HEMK2: variants seen among roughly 807,000 people sequenced by gnomAD.
The protein encoded by HEMK2 is methyltransferase HEMK2.
the HEMK2 span, among the ~76,000 whole-genome samples, chr21:28,776,037 G>C: frequency 9.9e-5 from 15 of 152,240 alleles, no homozygotes; most frequent in Admixed American, 9.8e-4. Context: ...AAAGGATCCT[G>C]CAGAGGAGTT....
At chr21:28,684,188 T>C in the HEMK2 span, among the ~76,000 whole-genome samples, 3,563 of 152,314 alleles carry the variant, frequency 0.023, 148 homozygotes, top group African/African-American at 0.082. Context: ...TGTTTCCTTA[T>C]CCTACCGTGC....
At chr21:28,879,946 C>G in the HEMK2 span, 5 of 1,598,210 alleles carry the variant, frequency 3.1e-6, no homozygotes, top group Admixed American at 6.9e-5. Flanking sequence ...TGGTAGCAAG[C>G]CTTTGACCTA....
the HEMK2 span, chr21:28,879,781 G>C: frequency 1.0e-6 from 1 of 955,772 alleles, no homozygotes; most frequent in African/African-American, 1.7e-5. Context: ...GATAGCAGCA[G>C]CTGACTGATG....
the HEMK2 span, among the ~76,000 whole-genome samples, chr21:28,649,066 G>A: frequency 3.3e-5 from 5 of 151,978 alleles, no homozygotes; most frequent in South Asian, 1.0e-3. Flanking sequence ...ATAGTTTGCT[G>A]AGAATGATGG....
the HEMK2 span, among the ~76,000 whole-genome samples, chr21:28,826,322 T>G: frequency 1.3e-3 from 194 of 152,266 alleles, no homozygotes; most frequent in South Asian, 3.9e-3. Context: ...CCATGTTCTT[T>G]TGGTTTCCTT....
the HEMK2 span, among the ~76,000 whole-genome samples, chr21:28,831,622 G>A: frequency 1.1e-4 from 8 of 73,490 alleles, no homozygotes; most frequent in South Asian, 8.4e-4. Flanking sequence ...AAGGAAAGAA[G>A]GAAAGAAGGA....
the HEMK2 span, among the ~76,000 whole-genome samples, chr21:28,640,423 G>A: frequency 1.3e-5 from 2 of 152,172 alleles, no homozygotes; most frequent in African/African-American, 4.8e-5. Flanking sequence ...AAATTTTCTC[G>A]TATCCAGCAA....
At chr21:28,682,082 A>T in the HEMK2 span, among the ~76,000 whole-genome samples, 1 of 152,152 alleles carries the variant, frequency 6.6e-6, no homozygotes, top group African/African-American at 2.4e-5. Context: ...GCTTCTGCAC[A>T]GCAAAAGAAA....
At chr21:28,588,906 C>T in the HEMK2 span, among the ~76,000 whole-genome samples, 6 of 150,582 alleles carry the variant, frequency 4.0e-5, no homozygotes, top group Non-Finnish European at 8.8e-5. Flanking sequence ...TGGCATGAAC[C>T]CAGGAGGCAG....
the HEMK2 span, among the ~76,000 whole-genome samples, chr21:28,738,987 A>G: frequency 6.6e-6 from 1 of 152,216 alleles, no homozygotes; most frequent in Non-Finnish European, 1.5e-5. Context: ...TGTGAGTGAC[A>G]TCCTGAAATA....
the HEMK2 span, chr21:28,882,255 A>T: frequency 6.2e-7 from 1 of 1,608,094 alleles, no homozygotes; most frequent in Non-Finnish European, 8.5e-7. Context: ...GTGCACCTAT[A>T]AACAGAAATG....
the HEMK2 span, among the ~76,000 whole-genome samples, chr21:28,719,681 C>A: frequency 6.6e-6 from 1 of 152,276 alleles, no homozygotes; most frequent in Non-Finnish European, 1.5e-5. Flanking sequence ...TAGGAGTGGG[C>A]AGTTCACCAT....
chr21:28,677,024 T>G, the HEMK2 span, among the ~76,000 whole-genome samples: 1 of 152,152 alleles, frequency 6.6e-6, no homozygotes, highest in African/African-American at 2.4e-5. Context: ...CGGGTTCATC[T>G]CACTGGGGAG....
chr21:28,589,364 A>G, the HEMK2 span, among the ~76,000 whole-genome samples: 5,241 of 152,262 alleles, frequency 0.034, 127 homozygotes, highest in African/African-American at 0.063. Flanking sequence ...ACAAAATCAT[A>G]TAACTATATT....
At chr21:28,719,397 A>AAT in the HEMK2 span, among the ~76,000 whole-genome samples, 15 of 152,148 alleles carry the variant, frequency 9.9e-5, no homozygotes, top group Admixed American at 9.8e-4. Flanking sequence ...TGTGGTAGTG[A>AAT]ATAAGTCTCA....
the HEMK2 span, among the ~76,000 whole-genome samples, chr21:28,844,456 C>T: frequency 3.9e-5 from 6 of 152,112 alleles, no homozygotes; most frequent in East Asian, 9.6e-4. Context: ...GTGTGGAATA[C>T]CTTGTGGAAA....
At chr21:28,866,400 G>GATC in the HEMK2 span, among the ~76,000 whole-genome samples, 54 of 151,030 alleles carry the variant, frequency 3.6e-4, no homozygotes, top group African/African-American at 1.3e-3. Context: ...AGTGAGCCAA[G>GATC]ATCATGTCAC....
At chr21:28,635,581 T>A in the HEMK2 span, among the ~76,000 whole-genome samples, 1 of 152,220 alleles carries the variant, frequency 6.6e-6, no homozygotes, top group Non-Finnish European at 1.5e-5. Context: ...TAAAAACTAC[T>A]GATACTACAC....
At chr21:28,709,700 C>A in the HEMK2 span, among the ~76,000 whole-genome samples, 1 of 152,080 alleles carries the variant, frequency 6.6e-6, no homozygotes, top group South Asian at 2.1e-4. Context: ...GCCAGACTGA[C>A]CCTGTAAGGC....
Sources: allele counts gnomAD v4.1 joint callset (sites outside exome capture counted in the v4.1 genomes callset), GRCh38; gene constraint gnomAD v4.1.1; transcripts MANE v1.5; gene names NCBI Gene and HGNC (gene_info 2026-07-23, HGNC 2026-07-21).